ATF3: variants seen among roughly 807,000 people sequenced by gnomAD.
ATF3 encodes the protein cyclic AMP-dependent transcription factor ATF-3.
Under a neutral mutation model 18.4 loss-of-function variants are expected in ATF3, and 10 were observed. The observed-to-expected ratio is 0.54, with a 90% CI of 0.34 to 0.92. The LOEUF is 0.92. Among genes scored for constraint, ATF3 ranks in the 40% least tolerant of loss-of-function variants. The pLI, the probability that ATF3 is intolerant of heterozygous loss-of-function variation, is 0.02. For missense variants in ATF3, 183 were observed against 222.3 expected (o/e 0.82, Z 1.12); for synonymous variants, 78 against 87.9 (o/e 0.89, Z 0.63).
At chr1:212,609,499 G>C (rs1654801206) in intron 1 of ATF3, among the ~76,000 whole-genome samples, 1 of 152,238 alleles carries the variant, frequency 6.6e-6, no homozygotes, top group Admixed American at 6.5e-5. Context: ...CGGCCGCTGG[G>C]GGTCGCCCTG....
intron 1 of ATF3, among the ~76,000 whole-genome samples, chr1:212,579,484 T>C (rs553304617): frequency 1.3e-5 from 2 of 152,354 alleles, no homozygotes; most frequent in East Asian, 1.9e-4. Flanking sequence ...GAATGAATGA[T>C]GGCTAACATG....
At chr1:212,582,835 A>G (rs1335875628) in intron 1 of ATF3, among the ~76,000 whole-genome samples, 4 of 152,170 alleles carry the variant, frequency 2.6e-5, no homozygotes. Context: ...TTGCTTACTT[A>G]ATCTTCATTA....
chr1:212,568,888 G>A (rs1664430704), intron 1 of ATF3, among the ~76,000 whole-genome samples: 1 of 152,092 alleles, frequency 6.6e-6, no homozygotes, highest in Admixed American at 6.5e-5. Context: ...ATCCTAATTT[G>A]GGTGTGGGTG....
upstream of ATF3, among the ~76,000 whole-genome samples, chr1:212,603,776 ATGTG>A (rs145857442): frequency 1.6e-4 from 24 of 149,602 alleles, 1 homozygote; most frequent in South Asian, 8.5e-4. Flanking sequence ...GTGTATATAT[ATGTG>A]TGTGTGTGTG....
At chr1:212,606,578 T>G (rs1304601378), upstream of ATF3, among the ~76,000 whole-genome samples, 1 of 152,196 alleles carries the variant, frequency 6.6e-6, no homozygotes, top group Non-Finnish European at 1.5e-5. Flanking sequence ...CAGGAGCAGA[T>G]CTCCACAGAT....
chr1:212,568,034 C>T (rs939895550), intron 1 of ATF3, among the ~76,000 whole-genome samples: 7 of 152,098 alleles, frequency 4.6e-5, no homozygotes, highest in African/African-American at 9.7e-5. Context: ...CAGGGTCTGC[C>T]GACTATTATA....
At chr1:212,596,101 TTAA>T (rs1664989418) in intron 1 of ATF3, among the ~76,000 whole-genome samples, 1 of 152,212 alleles carries the variant, frequency 6.6e-6, no homozygotes, top group Non-Finnish European at 1.5e-5. Context: ...CTTCGATGAA[TTAA>T]TATTCCTTCA....
At chr1:212,605,960 T>C (rs1468386191), upstream of ATF3, among the ~76,000 whole-genome samples, 2 of 152,222 alleles carry the variant, frequency 1.3e-5, no homozygotes, top group Non-Finnish European at 2.9e-5. Context: ...ATTCTTTTGT[T>C]TGCATGGAGA....
chr1:212,595,805 C>T (rs1166439778), intron 1 of ATF3, among the ~76,000 whole-genome samples: 3 of 152,180 alleles, frequency 2.0e-5, no homozygotes, highest in East Asian at 1.9e-4. Context: ...TCCACATTTG[C>T]GTTTGGTAAT....
chr1:212,615,719 G>A (rs1041098410), intron 2 of ATF3, among the ~76,000 whole-genome samples: 5 of 151,066 alleles, frequency 3.3e-5, no homozygotes, highest in African/African-American at 7.3e-5. Flanking sequence ...TGGGAGGACC[G>A]CTTGAGCCCA....
At chr1:212,612,979 A>G (rs550592101) in intron 1 of ATF3, among the ~76,000 whole-genome samples, 21 of 152,146 alleles carry the variant, frequency 1.4e-4, no homozygotes, top group Non-Finnish European at 2.5e-4. Flanking sequence ...AATTCCTCAT[A>G]GGATATTATG....
chr1:212,567,242 TC>T (rs1234747940), intron 1 of ATF3, among the ~76,000 whole-genome samples: 1 of 152,096 alleles, frequency 6.6e-6, no homozygotes, highest in Admixed American at 6.6e-5. Context: ...CAGCATGCTG[TC>T]CCCCTGCTGA....
rs1001822459 is a variant in ATF3 at position 212,620,611 on chromosome 1, G to A, written c.*1056G>A. 1.3e-5 allele frequency: 2 copies of A among 152,600 alleles called. No individual in the cohort carries two copies. The highest frequency in any genetic ancestry group is 2.9e-5 in the Non-Finnish European group (2 of 68,038). 9.5% of individuals were successfully genotyped at this position (152,600 alleles called of 1,614,324 possible). A position where few individuals can be genotyped will look rare whatever the true frequency, so the allele number is the denominator to read the frequency against. On this transcript the variant is annotated 3_prime_UTR_variant, in exon 4 of 4. Transcript: ENST00000341491. The stretch of plus-strand genomic sequence containing the variant: ...AGTCACTCACACTGGCCACAAGGAC[G>A]CTGGCTACTGTCTATTAAAATTCTG...
chr1:212,606,928 A>T (rs1334387574), upstream of ATF3, among the ~76,000 whole-genome samples: 2 of 151,814 alleles, frequency 1.3e-5, no homozygotes, highest in African/African-American at 2.4e-5. Flanking sequence ...GTGGAAGCGG[A>T]GGGTGGGGCC....
chr1:212,572,803 A>G (rs1001005680), intron 1 of ATF3, among the ~76,000 whole-genome samples: 2 of 152,190 alleles, frequency 1.3e-5, no homozygotes, highest in African/African-American at 4.8e-5. Context: ...TTCCAATGTC[A>G]TCATTGTTGA....
chr1:212,575,802 T>G (rs990396293), intron 1 of ATF3, among the ~76,000 whole-genome samples: 5 of 152,284 alleles, frequency 3.3e-5, no homozygotes, highest in Non-Finnish European at 7.4e-5. Context: ...AAAAAGGCCT[T>G]TCTTTTTAAT....
At chr1:212,585,035 C>G (rs995029259) in intron 1 of ATF3, among the ~76,000 whole-genome samples, 1 of 152,048 alleles carries the variant, frequency 6.6e-6, no homozygotes, top group Non-Finnish European at 1.5e-5. Context: ...TGTCAGATAC[C>G]AAAAGGAGGA....
At chr1:212,609,249 GC>G (rs1485425664) in intron 1 of ATF3, among the ~76,000 whole-genome samples, 1 of 152,224 alleles carries the variant, frequency 6.6e-6, no homozygotes, top group Non-Finnish European at 1.5e-5. Context: ...GCGCTGGCTT[GC>G]CCGGCTGGGA....
At chr1:212,592,876 A>T (rs12045088) in intron 1 of ATF3, among the ~76,000 whole-genome samples, 40,902 of 151,932 alleles carry the variant, frequency 0.27, 6,110 homozygotes, top group African/African-American at 0.41. Context: ...TCTTGGTAAG[A>T]GTGGCAATTC....
Sources: gnomAD v4.1 joint callset for allele counts (sites outside exome capture counted in the v4.1 genomes callset) on GRCh38, gnomAD v4.1.1 for gene constraint, MANE v1.5 for transcripts, NCBI Gene and HGNC (gene_info 2026-07-23, HGNC 2026-07-21) for gene names.